CHN1: variants seen among roughly 807,000 people sequenced by gnomAD.
CHN1 encodes the protein N-chimaerin.
CHN1 carries 37 observed loss-of-function variants against 59.5 expected under a neutral mutation model. The ratio of observed to expected loss-of-function variants is 0.62; its 90% CI spans 0.48 to 0.82. The LOEUF is 0.82. Among genes scored for constraint, CHN1 ranks in the 40% least tolerant of loss-of-function variants. The probability of loss-of-function intolerance (pLI) is 0.00; values close to 1 mark genes in which losing one functional copy is unlikely to be tolerated. For synonymous variants in CHN1, 206 were observed against 200.4 expected (o/e 1.03, Z -0.24); for missense variants, 469 against 571.0 (o/e 0.82, Z 1.82).
At chr2:174,863,470 G>C (rs568808365) in intron 6 of CHN1, among the ~76,000 whole-genome samples, 1 of 152,052 alleles carries the variant, frequency 6.6e-6, no homozygotes, top group Admixed American at 6.6e-5. Context: ...TCACAGAAAT[G>C]TAAAACACTG....
At chr2:174,973,904 A>G (rs761121298) in intron 1 of CHN1, among the ~76,000 whole-genome samples, 3 of 152,236 alleles carry the variant, frequency 2.0e-5, no homozygotes, top group Non-Finnish European at 4.4e-5. Flanking sequence ...AAAGAAATAT[A>G]GATGTAACTA....
chr2:174,844,267 A>C (rs1396008542), intron 7 of CHN1, among the ~76,000 whole-genome samples: 1 of 152,010 alleles, frequency 6.6e-6, no homozygotes, highest in Non-Finnish European at 1.5e-5. Flanking sequence ...TATTCTACTA[A>C]AAAAACCCCA....
intron 3 of CHN1, among the ~76,000 whole-genome samples, chr2:174,943,983 C>A (rs1412959772): frequency 6.6e-6 from 1 of 152,086 alleles, no homozygotes; most frequent in Non-Finnish European, 1.5e-5. Flanking sequence ...ATTTTCTATT[C>A]TTTCATATGA....
chr2:174,819,977 C>T (rs1380843542), intron 8 of CHN1, among the ~76,000 whole-genome samples: 6 of 151,840 alleles, frequency 4.0e-5, no homozygotes, highest in African/African-American at 1.5e-4. Context: ...ATCCATGTCC[C>T]TACAAAGGAC....
intron 5 of CHN1, among the ~76,000 whole-genome samples, chr2:174,883,215 T>C (rs772863164): frequency 2.5e-4 from 38 of 152,164 alleles, no homozygotes; most frequent in Admixed American, 2.0e-4. Flanking sequence ...CCTCCTGCCC[T>C]CCCTAATCCT....
At chr2:174,991,507 A>G (rs1372996897) in intron 1 of CHN1, among the ~76,000 whole-genome samples, 1 of 152,236 alleles carries the variant, frequency 6.6e-6, no homozygotes, top group East Asian at 1.9e-4. Flanking sequence ...TTTATAAAAT[A>G]TAACAGTATA....
intron 2 of CHN1, among the ~76,000 whole-genome samples, chr2:174,946,484 T>C (rs1162666046): frequency 2.0e-5 from 3 of 152,176 alleles, no homozygotes; most frequent in African/African-American, 7.2e-5. Flanking sequence ...CTTTACCTTT[T>C]TCTCCTGATG....
In CHN1 at chr2:174,813,408, G is replaced by A. The variant is rs546793764; in HGVS notation, c.713-926C>T. On this transcript the variant is annotated intron_variant, in intron 8 of 12. Coordinates refer to ENST00000409900, the MANE Select transcript of CHN1 (RefSeq NM_001822.7). ...CCGCCACATGTTCAGTTATCTGGAA[G>A]CCCCTAGAGTCAGTCCCCAATTTTA... 8.5e-5 allele frequency among the ~76,000 whole-genome samples: 13 copies of A among 152,318 alleles called. No homozygotes were observed. In the East Asian group the frequency reaches 2.5e-3, roughly 29 times the overall value.
chr2:174,806,342 GC>G (rs1433289185), intron 11 of CHN1, among the ~76,000 whole-genome samples: 1 of 152,190 alleles, frequency 6.6e-6, no homozygotes, highest in Non-Finnish European at 1.5e-5. Context: ...AGCTCAAACA[GC>G]TTTTGTAGAA....
At chr2:174,960,231 A>T (rs1690354807) in intron 1 of CHN1, among the ~76,000 whole-genome samples, 1 of 152,254 alleles carries the variant, frequency 6.6e-6, no homozygotes, top group African/African-American at 2.4e-5. Flanking sequence ...ACAATTAATT[A>T]AGGATGTTAG....
chr2:174,951,784 C>G (rs951077071), intron 2 of CHN1, among the ~76,000 whole-genome samples: 33 of 152,248 alleles, frequency 2.2e-4, no homozygotes, highest in African/African-American at 7.9e-4. Context: ...ATCAACATAG[C>G]CTCCTGAATT....
chr2:174,847,667 T>C (rs1467028203), intron 6 of CHN1: 3 of 1,305,242 alleles, frequency 2.3e-6, no homozygotes, highest in Middle Eastern at 2.1e-4. Context: ...AGAAAGGAGA[T>C]AACCAATGAA....
At chr2:174,925,426 C>A (rs1689140013) in intron 3 of CHN1, among the ~76,000 whole-genome samples, 1 of 152,258 alleles carries the variant, frequency 6.6e-6, no homozygotes, top group Admixed American at 6.5e-5. Flanking sequence ...AAAGGCCCCG[C>A]AAAGCCATCC....
At chr2:174,970,790 G>C (rs900332324) in intron 1 of CHN1, among the ~76,000 whole-genome samples, 5 of 152,158 alleles carry the variant, frequency 3.3e-5, no homozygotes, top group African/African-American at 1.2e-4. Context: ...CACTTGTCAA[G>C]TGTTAGTGTA....
Position 174,800,939 on chromosome 2 carries a change from T to C in CHN1, c.1209-652A>G, listed in dbSNP as rs148613672. ...CAAAGGTTTTAACTCATGGTGCTCT[T>C]AAAGAGGAAAAATGTAAACATTCAT... On this transcript the variant is annotated intron_variant, in intron 12 of 12. Transcript: ENST00000409900. Among the ~76,000 whole-genome samples the C allele has an allele frequency of 4.4e-3, 676 of 152,340 alleles. 5 individuals carry two copies. The highest frequency in any genetic ancestry group is 0.015 in the African/African-American group (637 of 41,574).
intron 1 of CHN1, among the ~76,000 whole-genome samples, chr2:174,991,349 G>C (rs1478532939): frequency 6.6e-6 from 1 of 152,152 alleles, no homozygotes; most frequent in Non-Finnish European, 1.5e-5. Context: ...CCCCCCAGAA[G>C]GTTTCTGTTT....
chr2:175,001,715 G>A lies in CHN1; in HGVS notation c.19+3179C>T, dbSNP rs146102669. 8.4e-3 allele frequency among the ~76,000 whole-genome samples: 1,274 copies of A among 152,306 alleles called. 7 individuals are homozygous for A. The highest frequency in any genetic ancestry group is 0.022 in the South Asian group (104 of 4,824). On this transcript the variant is annotated intron_variant, in intron 1 of 12. Coordinates refer to ENST00000409900, the MANE Select transcript of CHN1 (RefSeq NM_001822.7). Reference sequence around the variant, plus strand: ...GCCGACGGTAACTGAGTTCCCAATCGCATCAGTTGGTCTGGGCTATAAACC... The same window carrying A: ...GCCGACGGTAACTGAGTTCCCAATCACATCAGTTGGTCTGGGCTATAAACC...
At chr2:174,883,175 C>A (rs1038430655) in intron 5 of CHN1, among the ~76,000 whole-genome samples, 1 of 152,152 alleles carries the variant, frequency 6.6e-6, no homozygotes, top group Non-Finnish European at 1.5e-5. Flanking sequence ...AGGATTAACT[C>A]GAAGTCCGTT....
chr2:174,895,787 A>G (rs1052061347), intron 5 of CHN1, among the ~76,000 whole-genome samples: 10 of 152,298 alleles, frequency 6.6e-5, no homozygotes, highest in African/African-American at 1.4e-4. Context: ...AGATTCTACT[A>G]TAAGTATTAA....
Sources: gnomAD v4.1 joint callset for allele counts (sites outside exome capture counted in the v4.1 genomes callset) on GRCh38, gnomAD v4.1.1 for gene constraint, MANE v1.5 for transcripts, NCBI Gene and HGNC (gene_info 2026-07-23, HGNC 2026-07-21) for gene names.